Variants in DMD observed in about 807,000 individuals in gnomAD.
DMD encodes the protein dystrophin.
Under a neutral mutation model 330.1 loss-of-function variants are expected in DMD, and 63 were observed. The ratio of observed to expected loss-of-function variants is 0.19; its 90% CI spans 0.16 to 0.24. The LOEUF (loss-of-function observed/expected upper bound fraction) is 0.24. Among genes scored for constraint, DMD ranks in the 10% least tolerant of loss-of-function variants. The pLI, the probability that DMD is intolerant of heterozygous loss-of-function variation, is 1.00. For missense variants in DMD, 3,344 were observed against 2,684.1 expected (o/e 1.25, Z -5.43); for synonymous variants, 1,223 against 959.8 (o/e 1.27, Z -5.07).
At position 32,704,882 on chromosome X, in the gene DMD, T is replaced by A. The variant is rs150861580; in HGVS notation, c.650-5589A>T. On this transcript the variant is annotated intron_variant, in intron 7 of 78. Coordinates refer to ENST00000357033, the MANE Select transcript of DMD (RefSeq NM_004006.3). The stretch of plus-strand genomic sequence containing the variant: ...TAAACAATAACCTAATTCATTGATG[T>A]GATATTCTAAAAGGACAAAGTGCTG... 2.9e-3 allele frequency among the ~76,000 whole-genome samples: 326 copies of A among 111,996 alleles called. 3 individuals carry two copies. The highest frequency in any genetic ancestry group is 9.8e-3 in the African/African-American group (303 of 30,867).
At chrX:31,361,715 T>C (rs1363789305) in intron 60 of DMD, among the ~76,000 whole-genome samples, 4 of 111,381 alleles carry the variant, frequency 3.6e-5, no homozygotes, top group Non-Finnish European at 7.5e-5. Context: ...GTATCACTTA[T>C]AGTGTCAATC....
Position 31,814,099 on chromosome X carries a change from C to T in DMD, c.7309+5876G>A, listed in dbSNP as rs771373486. Among the ~76,000 whole-genome samples the T allele has an allele frequency of 4.5e-5, 5 of 110,782 alleles. 1 individual carries two copies. The highest frequency in any genetic ancestry group is 1.9e-4 in the Admixed American group (2 of 10,274). ...TATCAGAATTTAGGCTTCTTGACCT[C>T]CAATACTGTGCTTTCCTAATTACAC... On this transcript the variant is annotated intron_variant, in intron 50 of 78. Coordinates refer to ENST00000357033, the MANE Select transcript of DMD (RefSeq NM_004006.3).
chrX:31,209,444 G>C, intron 65 of DMD, 54 bp downstream of exon 65: 4 of 1,128,443 alleles, frequency 3.5e-6, no homozygotes, highest in Non-Finnish European at 4.9e-6. Flanking sequence ...TCACCATTCT[G>C]TACGCTAAGC....
At chrX:31,515,490 G>A (rs957060519) in intron 55 of DMD, among the ~76,000 whole-genome samples, 2 of 111,816 alleles carry the variant, frequency 1.8e-5, no homozygotes, top group African/African-American at 6.5e-5. Context: ...TAATTATAAG[G>A]CCATTAGTTC....
chrX:32,445,283 C>G (rs2098298672), intron 27 of DMD, among the ~76,000 whole-genome samples: 1 of 110,467 alleles, frequency 9.1e-6, no homozygotes, highest in African/African-American at 3.3e-5. Flanking sequence ...AGAGGGACAA[C>G]AGACTAGGCA....
chrX:32,302,452 T>A (rs1357653068), intron 42 of DMD, among the ~76,000 whole-genome samples: 1 of 111,607 alleles, frequency 9.0e-6, no homozygotes, highest in Non-Finnish European at 1.9e-5. Context: ...GTTTGTAAGA[T>A]CCTCTAAGGA....
chrX:31,841,999 C>T (rs748860868), intron 48 of DMD, among the ~76,000 whole-genome samples: 125 of 109,721 alleles, frequency 1.1e-3, no homozygotes, highest in African/African-American at 4.0e-3. Context: ...CCCTAGGTAG[C>T]GATTCCTCTG....
intron 60 of DMD, among the ~76,000 whole-genome samples, chrX:31,386,847 T>C (rs1296333129): frequency 1.8e-5 from 2 of 111,984 alleles, no homozygotes; most frequent in Non-Finnish European, 3.8e-5. Flanking sequence ...ATAGGCTTCA[T>C]TCTAGACACA....
chrX:32,455,214 T>C (rs1267074194), intron 25 of DMD, among the ~76,000 whole-genome samples: 2 of 111,525 alleles, frequency 1.8e-5, no homozygotes, highest in Non-Finnish European at 3.8e-5. Context: ...CATAATGTTT[T>C]ACTATTTTAA....
chrX:31,580,298 T>C (rs973717070), intron 55 of DMD, among the ~76,000 whole-genome samples: 1 of 112,003 alleles, frequency 8.9e-6, no homozygotes, highest in Non-Finnish European at 1.9e-5. Flanking sequence ...AAGCAGGGGC[T>C]CAACAAATTG....
chrX:32,215,202 A>G (rs1479523198), intron 44 of DMD, among the ~76,000 whole-genome samples: 4 of 111,592 alleles, frequency 3.6e-5, no homozygotes, highest in Admixed American at 9.6e-5. Context: ...AGAGAGACCA[A>G]ACAGACAATG....
chrX:31,488,688 AC>A (rs2069009696), intron 57 of DMD, among the ~76,000 whole-genome samples: 1 of 111,930 alleles, frequency 8.9e-6, no homozygotes, highest in African/African-American at 3.3e-5. Flanking sequence ...ATAATTATTC[AC>A]CATACCTATC....
At chrX:32,420,156 A>G (rs2098183898) in intron 29 of DMD, among the ~76,000 whole-genome samples, 1 of 111,986 alleles carries the variant, frequency 8.9e-6, no homozygotes, top group Admixed American at 9.5e-5. Flanking sequence ...CCCAATGGCG[A>G]GGTACTCTTT....
At chrX:32,008,094 G>A (rs1249257890) in intron 44 of DMD, among the ~76,000 whole-genome samples, 1 of 111,168 alleles carries the variant, frequency 9.0e-6, no homozygotes, top group Admixed American at 9.6e-5. Context: ...AGTATAAGGG[G>A]ACAGTGGGCT....
chrX:31,247,711 T>C (rs182596059), intron 63 of DMD, among the ~76,000 whole-genome samples: 5 of 111,512 alleles, frequency 4.5e-5, no homozygotes, highest in South Asian at 7.6e-4. Flanking sequence ...TTGGAAGACG[T>C]TGATTCCAAC....
At chrX:31,155,827 A>G (rs1340876996) in intron 74 of DMD, among the ~76,000 whole-genome samples, 2 of 110,110 alleles carry the variant, frequency 1.8e-5, no homozygotes, top group African/African-American at 6.6e-5. Context: ...CTTTACAAAA[A>G]AATTGAAAAA....
At chrX:31,301,188 C>T (rs949934773) in intron 62 of DMD, among the ~76,000 whole-genome samples, 5 of 111,563 alleles carry the variant, frequency 4.5e-5, no homozygotes, top group East Asian at 5.6e-4. Context: ...AAGGAGGATG[C>T]GAAGAATCTG....
At chrX:31,126,035 G>A (rs1199791418) in intron 78 of DMD, among the ~76,000 whole-genome samples, 1 of 111,445 alleles carries the variant, frequency 9.0e-6, no homozygotes, top group Non-Finnish European at 1.9e-5. Context: ...CTCCTTATCT[G>A]TAAAACGGGG....
chrX:32,679,506 G>A (rs1051394566), intron 9 of DMD, among the ~76,000 whole-genome samples: 4 of 111,107 alleles, frequency 3.6e-5, no homozygotes, highest in African/African-American at 9.8e-5. Context: ...AAAATTTTAT[G>A]TCCGAAAGTT....
Sources: allele counts gnomAD v4.1 joint callset (sites outside exome capture counted in the v4.1 genomes callset), GRCh38; gene constraint gnomAD v4.1.1; transcripts MANE v1.5; gene names NCBI Gene and HGNC (gene_info 2026-07-23, HGNC 2026-07-21).